The following AGPAT2 variants were observed in gnomAD, a reference collection of about 807,000 sequenced individuals.
AGPAT2 encodes 1-acyl-sn-glycerol-3-phosphate acyltransferase beta.
AGPAT2 carries 18 observed loss-of-function variants against 26.1 expected under a neutral mutation model. That is an observed-to-expected ratio of 0.69 (90% CI 0.48 to 1.02). AGPAT2 has a LOEUF of 1.02. Among genes scored for constraint, AGPAT2 ranks in the 50% least tolerant of loss-of-function variants. The pLI is 0.00. For synonymous variants in AGPAT2, 200 were observed against 174.2 expected (o/e 1.15, Z -1.16); for missense variants, 415 against 394.9 (o/e 1.05, Z -0.43).
At position 136,673,931 on chromosome 9, in the gene AGPAT2, T is replaced by TG. The variant is rs1378768676; in HGVS notation, c.662-5dup. Reference sequence around the variant, plus strand: ...AGCACCTGCACTGTGACTGTTCCTGTGGGGGAAGCAACAGACCTCAGTGGC... The same window carrying TG: ...AGCACCTGCACTGTGACTGTTCCTGTGGGGGGAAGCAACAGACCTCAGTGGC... On this transcript the variant is annotated splice_polypyrimidine_tract_variant and splice_region_variant and intron_variant, in intron 5 of 5. Coordinates refer to ENST00000371696, the MANE Select transcript of AGPAT2 (RefSeq NM_006412.4). 3.9e-6 allele frequency: 6 copies of TG among 1,555,986 alleles called. No homozygotes were observed. The South Asian group carries it at 6.0e-5, about 16-fold the overall frequency.
chr9:136,685,410 G>A (rs897935349), intron 1 of AGPAT2, among the ~76,000 whole-genome samples: 1 of 152,230 alleles, frequency 6.6e-6, no homozygotes, highest in Admixed American at 6.5e-5. Flanking sequence ...AGGGCAGCAG[G>A]TGAACTGTGA....
chr9:136,683,920 G>T (rs1265077544), intron 1 of AGPAT2, among the ~76,000 whole-genome samples: 1 of 152,236 alleles, frequency 6.6e-6, no homozygotes, highest in African/African-American at 2.4e-5. Flanking sequence ...GTCAAACCTT[G>T]CCCGACATCC....
chr9:136,673,850 T>C lies in AGPAT2; in HGVS notation c.739A>G (p.Thr247Ala). Residue 247 changes from threonine to alanine, a missense_variant, in exon 6 of 6, where the codon ACC (threonine) becomes GCC (alanine). Transcript: ENST00000371696. ...GTGGTCCTCATGGCCCGGTGGCAGG[T>C]GTCCACGAGCGCAGGGACGTCCGCC... The part of the protein sequence containing the change: ...TAADVPALVD[T>A]CHRAMRTTFL... 1 of 1,605,474 alleles carries C rather than the reference T, an allele frequency of 6.2e-7. No homozygotes were observed. The highest frequency in any genetic ancestry group is 1.3e-5 in the African/African-American group (1 of 74,898).
rs757315738 is a variant in AGPAT2, at chr9:136,687,203, T to C, written c.155A>G (p.His52Arg). ...AVASLVCLLR[H>R]GGRTVENMSI... ...CATGTTCTCCACCGTCCGGCCGCCG[T>C]GGCGCAGCAGGCAGACGAGCGAGGC... The change falls in exon 1 of 6, where the codon CAC (histidine) becomes CGC (arginine). Residue 52 changes from histidine to arginine, a missense_variant. Coordinates refer to ENST00000371696, the MANE Select transcript of AGPAT2 (RefSeq NM_006412.4). 1 of 1,586,968 alleles carries C rather than the reference T, an allele frequency of 6.3e-7. No individual in the cohort carries two copies. Among genetic ancestry groups the C allele is most frequent in the Admixed American group, 1.7e-5 (1 of 58,616 alleles).
chr9:136,684,776 T>G (rs1007773230), intron 1 of AGPAT2, among the ~76,000 whole-genome samples: 3 of 152,170 alleles, frequency 2.0e-5, no homozygotes, highest in Non-Finnish European at 4.4e-5. Context: ...AGTTTCAAGT[T>G]GCTTATCTCA....
Position 136,673,516 on chromosome 9 carries a change from G to A in AGPAT2, c.*236C>T, listed in dbSNP as rs117979028. ...TCATCCCAGCTCCCAGAGGTGCCGT[G>A]GGCGCGAGTCCCTGCCCTCGAGCCC... On this transcript the variant is annotated 3_prime_UTR_variant, in exon 6 of 6. Transcript: ENST00000371696. The A allele has an allele frequency of 6.0e-3, 2,499 of 415,916 alleles. 15 individuals carry two copies. The highest frequency in any genetic ancestry group is 8.8e-3 in the Non-Finnish European group (2,080 of 236,472). 25.8% of individuals were successfully genotyped at this position (415,916 alleles called of 1,614,324 possible).
chr9:136,683,080 G>T (rs1410557880), intron 1 of AGPAT2, among the ~76,000 whole-genome samples: 1 of 150,730 alleles, frequency 6.6e-6, no homozygotes, highest in Non-Finnish European at 1.5e-5. Context: ...GGGGGAGGGG[G>T]GGAAGAATCC....
chr9:136,682,400 G>A lies in AGPAT2; in HGVS notation c.182+4776C>T, dbSNP rs112111108. On this transcript the variant is annotated intron_variant, in intron 1 of 5. Transcript: ENST00000371696. The stretch of plus-strand genomic sequence containing the variant: ...AACTCCCCTCCCACCAACCACAGGC[G>A]GACGAGGGGCTGCCCTGTCCTTTCC... Among the ~76,000 whole-genome samples, 1,142 of 152,318 alleles carry A rather than the reference G, an allele frequency of 7.5e-3. 5 individuals carry two copies. Among genetic ancestry groups the A allele is most frequent in the Non-Finnish European group, 0.013 (904 of 68,024 alleles).
At chr9:136,687,068 AGCGGGGCGGGACGG>A in intron 1 of AGPAT2, 94 bp downstream of exon 1, 1 of 1,288,964 alleles carries the variant, frequency 7.8e-7, no homozygotes. Flanking sequence ...GGAGCCCCGG[AGCGGGGCGGGACGG>A]GCGGGGCAGG....
chr9:136,686,415 C>T (rs1846221690), intron 1 of AGPAT2, among the ~76,000 whole-genome samples: 2 of 152,246 alleles, frequency 1.3e-5, no homozygotes, highest in Admixed American at 1.3e-4. Context: ...GCAGGCAGCC[C>T]CCGCCGTCTT....
intron 5 of AGPAT2, among the ~76,000 whole-genome samples, chr9:136,674,489 G>A (rs1031869323): frequency 1.2e-4 from 18 of 152,258 alleles, no homozygotes; most frequent in African/African-American, 4.1e-4. Context: ...GGGTCCATCC[G>A]TGTGAAGTCT....
intron 5 of AGPAT2, among the ~76,000 whole-genome samples, chr9:136,674,436 C>T (rs561226694): frequency 6.6e-6 from 1 of 152,358 alleles, no homozygotes; most frequent in South Asian, 2.1e-4. Flanking sequence ...GACACATGGG[C>T]TCAGAGGCCG....
rs753681788 is a variant in AGPAT2 at position 136,687,196 on chromosome 9, G to A, written c.162C>T (p.Gly54=). The change falls in exon 1 of 6, where the codon GGC becomes GGT. Residue 54 remains glycine (G), a synonymous_variant. Transcript: ENST00000371696. ...ASLVCLLRHG[G]RTVENMSIIG... Reference sequence around the variant, plus strand: ...CTTGCCTCATGTTCTCCACCGTCCGGCCGCCGTGGCGCAGCAGGCAGACGA... The same window carrying A: ...CTTGCCTCATGTTCTCCACCGTCCGACCGCCGTGGCGCAGCAGGCAGACGA... The A allele has an allele frequency of 5.7e-6, 9 of 1,587,812 alleles. No individual in the cohort carries two copies. Among genetic ancestry groups the A allele is most frequent in the South Asian group, 3.4e-5 (3 of 88,886 alleles).
chr9:136,676,596 C>T lies in AGPAT2; in HGVS notation c.577G>A (p.Val193Ile), dbSNP rs1036718579. The T allele has an allele frequency of 6.2e-7, 1 of 1,613,014 alleles. No individual in the cohort carries two copies. Reference protein sequence around the residue: ...PFKKGAFYLAVQAQVPIVPVV... With the variant: ...PFKKGAFYLAIQAQVPIVPVV... ...TGGGCTCAGCCTACCTGTGCCTGGACTGCCAGGTAGAAGGCGCCCTTCTTA... is the reference window on the plus strand; with the variant it reads ...TGGGCTCAGCCTACCTGTGCCTGGATTGCCAGGTAGAAGGCGCCCTTCTTA... The change falls in exon 4 of 6, where the codon GTC becomes ATC. Residue 193 changes from valine to isoleucine, a missense_variant. By Grantham distance (29) the Val-to-Ile change is conservative. Coordinates refer to ENST00000371696, the MANE Select transcript of AGPAT2 (RefSeq NM_006412.4).
At chr9:136,683,069 G>C (rs1846181721) in intron 1 of AGPAT2, among the ~76,000 whole-genome samples, 1 of 151,268 alleles carries the variant, frequency 6.6e-6, no homozygotes, top group Non-Finnish European at 1.5e-5. Context: ...CTAGGGGGTG[G>C]GGGGGAGGGG....
chr9:136,674,072 G>T, intron 5 of AGPAT2, 145 bp from the exon 6 acceptor site: 2 of 762,606 alleles, frequency 2.6e-6, no homozygotes, highest in Non-Finnish European at 1.9e-6. Context: ...CTCCCTAGCC[G>T]TGGTGGGTTA....
chr9:136,676,416 A>G (rs1846090422), intron 4 of AGPAT2, among the ~76,000 whole-genome samples, 169 bp downstream of exon 4: 1 of 152,200 alleles, frequency 6.6e-6, no homozygotes, highest in African/African-American at 2.4e-5. Flanking sequence ...CTGGTCGGTC[A>G]GGGGGCAAGT....
chr9:136,673,731 C>A lies in AGPAT2; in HGVS notation c.*21G>T. On this transcript the variant is annotated 3_prime_UTR_variant, in exon 6 of 6. Coordinates refer to ENST00000371696, the MANE Select transcript of AGPAT2 (RefSeq NM_006412.4). ...CGGCTTCCACCTGCCCTCCCCAGGT[C>A]ATGCCCTGCCGTGGTCTGGGCTACT... is the stretch of plus-strand genomic sequence containing the variant. 2 of 1,555,644 alleles carry A rather than the reference C, an allele frequency of 1.3e-6. No homozygotes were observed. The highest frequency in any genetic ancestry group is 1.2e-5 in the South Asian group (1 of 84,434).
chr9:136,673,675 G>A lies in AGPAT2; in HGVS notation c.*77C>T, dbSNP rs1468479326. 7.0e-7 allele frequency: 1 copy of A among 1,419,382 alleles called. No individual in the cohort carries two copies. The highest frequency in any genetic ancestry group is 9.4e-7 in the Non-Finnish European group (1 of 1,063,664). The allele number at this position is 1,419,382 out of a possible 1,614,324, so 87.9% of individuals were successfully genotyped here. On this transcript the variant is annotated 3_prime_UTR_variant, in exon 6 of 6. Coordinates refer to ENST00000371696, the MANE Select transcript of AGPAT2 (RefSeq NM_006412.4). Reference sequence around the variant, plus strand: ...GGACAGAGTGGTATTTGGAAGCCGGGAGGAGTCCCCTCTGCCCATCCTCCA... The same window carrying A: ...GGACAGAGTGGTATTTGGAAGCCGGAAGGAGTCCCCTCTGCCCATCCTCCA...
Sources: gnomAD v4.1 joint callset for allele counts (sites outside exome capture counted in the v4.1 genomes callset) on GRCh38, gnomAD v4.1.1 for gene constraint, MANE v1.5 for transcripts, NCBI Gene and HGNC (gene_info 2026-07-23, HGNC 2026-07-21) for gene names.